The following MAPK14 variants were observed in gnomAD, a reference collection of about 807,000 sequenced individuals.
The protein encoded by MAPK14 is CSAID-binding protein.
A neutral mutation model predicts 49.6 loss-of-function variants in MAPK14; 16 were observed. That is an observed-to-expected ratio of 0.32 (90% CI 0.22 to 0.49). MAPK14 has a LOEUF of 0.49. Among genes scored for constraint, MAPK14 ranks in the 20% least tolerant of loss-of-function variants. MAPK14 has a pLI of 0.99. For missense variants in MAPK14, 200 were observed against 441.2 expected, an observed-to-expected ratio of 0.45 and a Z score of 4.90; for synonymous variants, 142 against 158.0, an observed-to-expected ratio of 0.90 and a Z score of 0.76.
intron 9 of MAPK14, chr6:36,097,266 C>T (rs1765477507): frequency 1.3e-5 from 2 of 152,248 alleles, no homozygotes; most frequent in Admixed American, 1.3e-4. Flanking sequence ...CCATGTCATG[C>T]ACTGAATCAC....
intron 6 of MAPK14, among the ~76,000 whole-genome samples, chr6:36,074,396 A>C (rs1764435234): frequency 6.6e-6 from 1 of 152,210 alleles, no homozygotes; most frequent in Non-Finnish European, 1.5e-5. Flanking sequence ...TAACTAGATT[A>C]AATACATTTC....
At chr6:36,106,256 A>G (rs1765793684) in intron 10 of MAPK14, among the ~76,000 whole-genome samples, 1 of 152,234 alleles carries the variant, frequency 6.6e-6, no homozygotes, top group Non-Finnish European at 1.5e-5. Flanking sequence ...AGTGGAAAGC[A>G]GGGTATAGAC....
At position 36,104,794 on chromosome 6, in the gene MAPK14, A is replaced by C. The variant is rs539730884; in HGVS notation, c.841+2145A>C. Among the ~76,000 whole-genome samples the C allele has an allele frequency of 3.9e-5, 6 of 152,324 alleles. No homozygotes were observed. In the East Asian group the frequency reaches 7.7e-4, roughly 20 times the overall value. On this transcript the variant is annotated intron_variant, in intron 10 of 11. Coordinates refer to ENST00000229794, the MANE Select transcript of MAPK14 (RefSeq NM_139012.3). ...TGACACCCTCTTAACAGACTCAGAA[A>C]GATGTGTTAATTCATTTTTTAGGGG...
At chr6:36,112,228 C>T (rs1234718350), downstream of MAPK14, among the ~76,000 whole-genome samples, 2 of 151,794 alleles carry the variant, frequency 1.3e-5, no homozygotes, top group African/African-American at 2.4e-5. Context: ...AGAATCAGAC[C>T]GTTGTAGGGA....
chr6:36,122,582 T>G, the MAPK14 span, among the ~76,000 whole-genome samples: 1 of 152,124 alleles, frequency 6.6e-6, no homozygotes, highest in Non-Finnish European at 1.5e-5. Flanking sequence ...CCTCAAGACA[T>G]TCTATTAGAG....
At position 36,108,362 on chromosome 6, in the gene MAPK14, T is replaced by G; in HGVS notation, c.1016-18T>G. 1 of 1,606,142 alleles carries G rather than the reference T, an allele frequency of 6.2e-7. No individual in the cohort carries two copies. The highest frequency in any genetic ancestry group is 1.1e-5 in the South Asian group (1 of 90,906). Reference sequence around the variant, plus strand: ...TAGCCTAAACTCTCACATCTTACTTTTCCTTCCCAATTTCTAGGCCTGACC... The same window carrying G: ...TAGCCTAAACTCTCACATCTTACTTGTCCTTCCCAATTTCTAGGCCTGACC... On this transcript the variant is annotated intron_variant, in intron 11 of 11. Transcript: ENST00000229794.
intron 1 of MAPK14, among the ~76,000 whole-genome samples, chr6:36,047,493 G>T (rs562991855): frequency 2.0e-5 from 3 of 152,232 alleles, no homozygotes; most frequent in East Asian, 1.9e-4. Context: ...ATTTTACTCT[G>T]TATGCCAAGG....
At chr6:36,102,750 A>G (rs1765679713) in intron 10 of MAPK14, 101 bp downstream of exon 10, 1 of 1,574,528 alleles carries the variant, frequency 6.4e-7, no homozygotes, top group Admixed American at 2.0e-5. Flanking sequence ...ATAAAGTACC[A>G]TTAGTTGAAT....
chr6:36,101,549 G>A (rs1246061359), intron 9 of MAPK14, among the ~76,000 whole-genome samples: 3 of 151,696 alleles, frequency 2.0e-5, no homozygotes, highest in African/African-American at 2.4e-5. Flanking sequence ...GCAGTGGCAC[G>A]ATCTTAGCTC....
intron 8 of MAPK14, among the ~76,000 whole-genome samples, chr6:36,089,301 A>C (rs1765122082): frequency 6.6e-6 from 1 of 152,150 alleles, no homozygotes; most frequent in Admixed American, 6.5e-5. Context: ...GCCAAACACC[A>C]CATGTTCTCA....
chr6:36,027,904 GGCGCAGTCTTGAGCGCCGGA>G lies in MAPK14; in HGVS notation c.-249_-230del, dbSNP rs915177022. On this transcript the variant is annotated 5_prime_UTR_variant, in exon 1 of 12. Transcript: ENST00000229794. ...GCGAAGGTGCAGGGAGATCGCGGCG[GGCGCAGTCTTGAGCGCCGGA>G]GCGCGTCCCTGCCCTTAGCGGGGCT... is the stretch of plus-strand genomic sequence containing the variant. 2.4e-6 allele frequency: 1 copy of G among 412,180 alleles called. No individual in the cohort carries two copies. The highest frequency in any genetic ancestry group is 2.1e-5 in the African/African-American group (1 of 48,702). 25.5% of individuals were successfully genotyped at this position (412,180 alleles called of 1,614,324 possible). A position where few individuals can be genotyped will look rare whatever the true frequency, so the allele number is the denominator to read the frequency against.
intron 1 of MAPK14, among the ~76,000 whole-genome samples, chr6:36,039,062 A>G (rs1762856028): frequency 6.6e-6 from 1 of 152,142 alleles, no homozygotes; most frequent in South Asian, 2.1e-4. Context: ...TTAATGTCTT[A>G]GCTTTGAGGC....
Position 36,056,660 on chromosome 6 carries a change from G to A in MAPK14, c.247-2629G>A, listed in dbSNP as rs189201116. On this transcript the variant is annotated intron_variant, in intron 2 of 11. Transcript: ENST00000229794. The stretch of plus-strand genomic sequence containing the variant: ...GTCTTTTGAGGTAACTCTTGCATGT[G>A]TAAATCAGATCTCTAATGATTTAGT... 6.6e-5 allele frequency among the ~76,000 whole-genome samples: 10 copies of A among 152,332 alleles called. No homozygotes were observed. In the East Asian group the frequency reaches 1.3e-3, roughly 21 times the overall value.
rs556747828 is a variant in MAPK14 at position 36,038,683 on chromosome 6, G to T, written c.116+10410G>T. On this transcript the variant is annotated intron_variant, in intron 1 of 11. Coordinates refer to ENST00000229794, the MANE Select transcript of MAPK14 (RefSeq NM_139012.3). ...CACAACTCTCATTCCAGCAGTCCCA[G>T]AGTGCCAGAGCCAGTATTTTTGTTG... Among the ~76,000 whole-genome samples the T allele has an allele frequency of 9.2e-5, 14 of 152,300 alleles. No individual in the cohort carries two copies. The South Asian group carries it at 1.2e-3, about 14-fold the overall frequency.
At chr6:36,062,662 CTT>C (rs67561112) in intron 3 of MAPK14, among the ~76,000 whole-genome samples, 4 of 132,430 alleles carry the variant, frequency 3.0e-5, no homozygotes, top group Admixed American at 8.0e-5. Flanking sequence ...TTTTTCTTTT[CTT>C]TTTTTTTTTT....
chr6:36,045,596 C>A (rs575178091), intron 1 of MAPK14, among the ~76,000 whole-genome samples: 2 of 152,102 alleles, frequency 1.3e-5, no homozygotes, highest in East Asian at 3.9e-4. Context: ...ATCACGAGAT[C>A]AGGAGATCGA....
intron 1 of MAPK14, among the ~76,000 whole-genome samples, chr6:36,038,889 T>C (rs1466336090): frequency 6.6e-6 from 1 of 152,232 alleles, no homozygotes; most frequent in East Asian, 1.9e-4. Flanking sequence ...TTTAGGGTTT[T>C]TCTTACTTTT....
intron 1 of MAPK14, among the ~76,000 whole-genome samples, chr6:36,047,300 A>T (rs1763217135): frequency 1.3e-5 from 2 of 152,146 alleles, no homozygotes; most frequent in African/African-American, 2.4e-5. Flanking sequence ...ATGGGGTGGG[A>T]TGGGGGCGGA....
intron 1 of MAPK14, among the ~76,000 whole-genome samples, chr6:36,033,655 C>T (rs1195602113): frequency 6.6e-6 from 1 of 152,156 alleles, no homozygotes; most frequent in Non-Finnish European, 1.5e-5. Flanking sequence ...CCTGGATCTC[C>T]AGGTTTTCAG....
Sources: gnomAD v4.1 joint callset for allele counts (sites outside exome capture counted in the v4.1 genomes callset) on GRCh38, gnomAD v4.1.1 for gene constraint, MANE v1.5 for transcripts, NCBI Gene and HGNC (gene_info 2026-07-23, HGNC 2026-07-21) for gene names.